SORCS3: variants seen among roughly 807,000 people sequenced by gnomAD.
The protein encoded by SORCS3 is VPS10 domain-containing receptor SorCS3.
A neutral mutation model predicts 146.3 loss-of-function variants in SORCS3; 57 were observed. That is an observed-to-expected ratio of 0.39 (90% confidence interval 0.31 to 0.49). SORCS3 has a LOEUF of 0.49. Ranked by LOEUF, SORCS3 falls within the 20% of genes least tolerant of loss-of-function variation. The pLI, the probability that SORCS3 is intolerant of heterozygous loss-of-function variation, is 0.92. For synonymous variants in SORCS3, 653 were observed against 618.5 expected (o/e 1.06, Z -0.83); for missense variants, 1,341 against 1,575.5 (o/e 0.85, Z 2.52).
chr10:104,858,938 T>TAAAAAA (rs3976791), intron 2 of SORCS3, among the ~76,000 whole-genome samples: 29 of 138,556 alleles, frequency 2.1e-4, no homozygotes, highest in African/African-American at 7.9e-4. Context: ...TGTACATTTA[T>TAAAAAA]AAAAAAAAAA....
intron 1 of SORCS3, among the ~76,000 whole-genome samples, chr10:104,698,368 G>A (rs79968030): frequency 0.019 from 2,895 of 152,154 alleles, 95 homozygotes; most frequent in African/African-American, 0.063. Flanking sequence ...ATGTCAAAGT[G>A]GTGTACACAA....
intron 5 of SORCS3, among the ~76,000 whole-genome samples, chr10:105,080,597 A>G (rs1345453744): frequency 6.6e-6 from 1 of 151,996 alleles, no homozygotes; most frequent in Non-Finnish European, 1.5e-5. Context: ...TGGCATCTTC[A>G]TTGTGAAATC....
intron 6 of SORCS3, among the ~76,000 whole-genome samples, chr10:105,091,309 T>C (rs149413211): frequency 0.02 from 1,410 of 72,036 alleles, 4 homozygotes; most frequent in Middle Eastern, 0.033. Context: ...CCCTCCTTCC[T>C]TCCTTCCCTC....
intron 1 of SORCS3, among the ~76,000 whole-genome samples, chr10:104,712,323 C>A (rs987637961): frequency 6.6e-6 from 1 of 152,230 alleles, no homozygotes; most frequent in African/African-American, 2.4e-5. Flanking sequence ...CTTCCCCTTT[C>A]TGCCACGCAG....
At chr10:105,080,547 G>C (rs2133733488) in intron 5 of SORCS3, among the ~76,000 whole-genome samples, 1 of 152,164 alleles carries the variant, frequency 6.6e-6, no homozygotes, top group Non-Finnish European at 1.5e-5. Context: ...AGTTTAATTA[G>C]ATTCCATTTG....
chr10:104,800,726 A>G (rs1367833505), intron 1 of SORCS3, among the ~76,000 whole-genome samples: 1 of 152,232 alleles, frequency 6.6e-6, no homozygotes, highest in Non-Finnish European at 1.5e-5. Context: ...GAGAATCCAA[A>G]TATGGGTGGA....
Position 104,836,957 on chromosome 10 carries a change from C to A in SORCS3, c.628-5835C>A, listed in dbSNP as rs371122794. 2.6e-5 allele frequency among the ~76,000 whole-genome samples: 4 copies of A among 152,304 alleles called. No homozygotes were observed. The East Asian group carries it at 7.7e-4, about 29-fold the overall frequency. ...TAGAAATTCCTACCATGCTCTAAGA[C>A]CCAGCTCATATAACCCCTCCTTCAT... is the stretch of plus-strand genomic sequence containing the variant. On this transcript the variant is annotated intron_variant, in intron 1 of 26. Coordinates refer to ENST00000369701, the MANE Select transcript of SORCS3 (RefSeq NM_014978.3).
At chr10:105,074,008 A>G (rs977069247) in intron 5 of SORCS3, among the ~76,000 whole-genome samples, 4 of 152,238 alleles carry the variant, frequency 2.6e-5, no homozygotes, top group African/African-American at 9.6e-5. Flanking sequence ...GAATCTTGGG[A>G]AAATCACTTA....
chr10:104,884,608 A>G (rs932035108), intron 2 of SORCS3, among the ~76,000 whole-genome samples: 3 of 152,154 alleles, frequency 2.0e-5, no homozygotes, highest in African/African-American at 4.8e-5. Flanking sequence ...GAAGTGTGTG[A>G]AAGTTTGTTC....
At chr10:104,828,610 C>A (rs943310618) in intron 1 of SORCS3, among the ~76,000 whole-genome samples, 2 of 152,102 alleles carry the variant, frequency 1.3e-5, no homozygotes, top group Non-Finnish European at 2.9e-5. Context: ...CTGTTGGAAA[C>A]ATGGTTCCAA....
At chr10:104,842,711 A>G in intron 1 of SORCS3, 81 bp from the exon 2 acceptor site, 2 of 1,071,104 alleles carry the variant, frequency 1.9e-6, no homozygotes, top group Non-Finnish European at 2.9e-6. Context: ...TGCATTATAT[A>G]TTGTTACACA....
chr10:105,193,586 T>C (rs2056528836), intron 14 of SORCS3, among the ~76,000 whole-genome samples: 1 of 152,110 alleles, frequency 6.6e-6, no homozygotes, highest in South Asian at 2.1e-4. Flanking sequence ...TTAGAAATGG[T>C]CTCAAAAGGG....
At chr10:105,134,541 GA>G (rs2056044919) in intron 7 of SORCS3, among the ~76,000 whole-genome samples, 1 of 136,448 alleles carries the variant, frequency 7.3e-6, no homozygotes, top group African/African-American at 2.8e-5. Context: ...CAGAAGGATA[GA>G]AGGGACAAAA....
At chr10:104,939,590 G>C (rs2019291895) in intron 3 of SORCS3, among the ~76,000 whole-genome samples, 1 of 152,024 alleles carries the variant, frequency 6.6e-6, no homozygotes, top group South Asian at 2.1e-4. Context: ...TAATCCTTTG[G>C]GTGGAATTAC....
intron 11 of SORCS3, among the ~76,000 whole-genome samples, chr10:105,161,233 G>A (rs1199355951): frequency 6.6e-6 from 1 of 152,174 alleles, no homozygotes; most frequent in African/African-American, 2.4e-5. Flanking sequence ...TGAAAAGCCA[G>A]GGCTAAGTCA....
chr10:104,702,833 C>T (rs1031648587), intron 1 of SORCS3, among the ~76,000 whole-genome samples: 1 of 152,172 alleles, frequency 6.6e-6, no homozygotes, highest in African/African-American at 2.4e-5. Context: ...CTCACTGAGT[C>T]TGGTTTCAAC....
intron 1 of SORCS3, among the ~76,000 whole-genome samples, chr10:104,821,040 C>G (rs751106019): frequency 2.0e-5 from 3 of 152,144 alleles, no homozygotes; most frequent in Non-Finnish European, 2.9e-5. Context: ...AGGCTTGATC[C>G]AACAGCTCAA....
intron 5 of SORCS3, among the ~76,000 whole-genome samples, chr10:105,075,535 T>G (rs1339492714): frequency 1.3e-5 from 2 of 152,094 alleles, no homozygotes; most frequent in African/African-American, 4.8e-5. Flanking sequence ...AGAAGCCCTC[T>G]CCTAATGGGT....
chr10:104,641,954 C>G lies in SORCS3; in HGVS notation c.627C>G (p.Ser209Arg), dbSNP rs768430535. The G allele has an allele frequency of 1.7e-5, 23 of 1,357,478 alleles. No homozygotes were observed. The highest frequency in any genetic ancestry group is 2.2e-5 in the Non-Finnish European group (23 of 1,039,208). 84.1% of individuals were successfully genotyped at this position (1,357,478 alleles called of 1,614,324 possible). A position where few individuals can be genotyped will look rare whatever the true frequency, so the allele number is the denominator to read the frequency against. The change falls in exon 1 of 27, where the codon AGC (serine) becomes AGG (arginine). Residue 209 changes from serine to arginine, a missense_variant and splice_region_variant. By Grantham distance (110) the Ser-to-Arg change is moderately radical. Transcript: ENST00000369701. This position sits in a 1 kb window ranked among gnomAD's most constrained non-coding sequence, Gnocchi z 6.4. ...TGCACTGGTCGGGACACAACAGCAG[C>G]GTGAGTACCCACCCGGCGGCGGGTC... ...AMVHWSGHNS[S>R]VILILTKLYD...
Sources: allele counts gnomAD v4.1 joint callset (sites outside exome capture counted in the v4.1 genomes callset), GRCh38; gene constraint gnomAD v4.1.1; non-coding constraint Gnocchi (gnomAD v3.1); transcripts MANE v1.5; gene names NCBI Gene and HGNC (gene_info 2026-07-23, HGNC 2026-07-21).